SCN2A: variants seen among roughly 807,000 people sequenced by gnomAD.
SCN2A encodes sodium voltage-gated channel alpha subunit 2.
Under a neutral mutation model 188.7 loss-of-function variants are expected in SCN2A, and 20 were observed. That is an observed-to-expected ratio of 0.11 (90% CI 0.07 to 0.15). The LOEUF is 0.15. SCN2A is among the 10% of genes least tolerant of loss of function. SCN2A has a pLI of 1.00. For missense variants in SCN2A, 1,278 were observed against 2,445.0 expected (o/e 0.52, Z 10.07); for synonymous variants, 804 against 833.1 (o/e 0.97, Z 0.60).
At chr2:165,291,408 CT>C (rs1559339921) in intron 1 of SCN2A, among the ~76,000 whole-genome samples, 6 of 142,976 alleles carry the variant, frequency 4.2e-5, no homozygotes, top group African/African-American at 1.3e-4. Flanking sequence ...TCCTTCCTTC[CT>C]TCCTTCCTCC....
At chr2:165,317,829 A>G (rs1254852937) in intron 11 of SCN2A, among the ~76,000 whole-genome samples, 1 of 152,182 alleles carries the variant, frequency 6.6e-6, no homozygotes, top group African/African-American at 2.4e-5. Context: ...AAATAGAGTT[A>G]AAGACTTTAT....
chr2:165,295,823 G>C lies in SCN2A; in HGVS notation c.-1G>C, dbSNP rs780149255. 1.2e-6 allele frequency: 2 copies of C among 1,614,084 alleles called. No individual in the cohort carries two copies. The highest frequency in any genetic ancestry group is 8.5e-7 in the Non-Finnish European group (1 of 1,180,024). The stretch of plus-strand genomic sequence containing the variant: ...AGTGATTAAAGGAGCAGGATGAAAA[G>C]ATGGCACAGTCAGTGCTGGTACCGC... On this transcript the variant is annotated 5_prime_UTR_variant, in exon 2 of 27. Coordinates refer to ENST00000375437, the MANE Select transcript of SCN2A (RefSeq NM_001040142.2).
intron 14 of SCN2A, among the ~76,000 whole-genome samples, chr2:165,340,977 T>A (rs940835044): frequency 6.6e-6 from 1 of 152,142 alleles, no homozygotes; most frequent in Admixed American, 6.6e-5. Flanking sequence ...TGTAGACAAG[T>A]ATGCAATCTT....
chr2:165,345,052 T>G (rs1243831926), intron 16 of SCN2A, 141 bp downstream of exon 16: 2 of 1,063,276 alleles, frequency 1.9e-6, no homozygotes, highest in African/African-American at 3.2e-5. Flanking sequence ...AAGAGCCATG[T>G]ATAGTTTAGA....
At chr2:165,373,106 TG>T in intron 20 of SCN2A, 118 bp from the exon 21 acceptor site, 3 of 1,092,732 alleles carry the variant, frequency 2.7e-6, no homozygotes, top group Non-Finnish European at 4.2e-6. Flanking sequence ...ACAAGACCCC[TG>T]GGTGATTTTG....
chr2:165,342,134 G>T (rs1383683455), intron 14 of SCN2A, among the ~76,000 whole-genome samples, 162 bp from the exon 15 acceptor site: 5 of 152,260 alleles, frequency 3.3e-5, no homozygotes, highest in South Asian at 4.2e-4. Context: ...AACAATTATT[G>T]ATTTGAATGC....
rs949046685 is a variant in SCN2A, at chr2:165,390,614, A to G, written c.*790A>G. On this transcript the variant is annotated 3_prime_UTR_variant, in exon 27 of 27. Coordinates refer to ENST00000375437, the MANE Select transcript of SCN2A (RefSeq NM_001040142.2). ...ATTAAATGTACATGTATATATGTATATATGTATATGTGCGTGTATATACAT... is the reference window on the plus strand; with the variant it reads ...ATTAAATGTACATGTATATATGTATGTATGTATATGTGCGTGTATATACAT... 2 of 152,582 alleles carry G rather than the reference A, an allele frequency of 1.3e-5. No homozygotes were observed. 9.5% of individuals were successfully genotyped at this position (152,582 alleles called of 1,614,324 possible). A position where few individuals can be genotyped will look rare whatever the true frequency, so the allele number is the denominator to read the frequency against.
intron 18 of SCN2A, 146 bp from the exon 19 acceptor site, chr2:165,367,069 GAT>G (rs1700767045): frequency 1.4e-6 from 1 of 729,690 alleles, no homozygotes; most frequent in African/African-American, 1.8e-5. Context: ...ATGATTTTAA[GAT>G]AGCTTTTGTA....
rs555780160 is a variant in SCN2A at position 165,257,486 on chromosome 2, C to T, written c.-52+17846C>T. ...CTGACTGGTGTGTGAGATGGTATCT[C>T]ATTGTGGTTTTTGTTTCTGTGTTTT... On this transcript the variant is annotated intron_variant, in intron 1 of 26. Transcript: ENST00000375437. 2.0e-5 allele frequency among the ~76,000 whole-genome samples: 3 copies of T among 152,164 alleles called. No homozygotes were observed. In the East Asian group the frequency reaches 5.8e-4, roughly 29 times the overall value.
chr2:165,348,674 T>A (rs1699733363), intron 16 of SCN2A, among the ~76,000 whole-genome samples: 1 of 152,172 alleles, frequency 6.6e-6, no homozygotes, highest in Non-Finnish European at 1.5e-5. Context: ...TGGTTTAGGA[T>A]CAGTCATGAA....
chr2:165,327,774 A>G (rs888149813), intron 13 of SCN2A: 1 of 152,212 alleles, frequency 6.6e-6, no homozygotes, highest in Admixed American at 6.6e-5. Context: ...TATTATCAAT[A>G]TTAGTTGTTT....
At chr2:165,337,809 A>C (rs1030208447) in intron 14 of SCN2A, among the ~76,000 whole-genome samples, 3 of 152,218 alleles carry the variant, frequency 2.0e-5, no homozygotes, top group Non-Finnish European at 4.4e-5. Flanking sequence ...GAAGTTCTTT[A>C]GGCCGAATAG....
At chr2:165,335,520 C>G (rs941141782) in intron 14 of SCN2A, among the ~76,000 whole-genome samples, 25 of 151,624 alleles carry the variant, frequency 1.6e-4, no homozygotes, top group Admixed American at 1.6e-3. Context: ...GCCTTTTCAA[C>G]AAATGGTGCT....
At chr2:165,355,803 C>T (rs1001380863) in intron 17 of SCN2A, among the ~76,000 whole-genome samples, 1 of 151,648 alleles carries the variant, frequency 6.6e-6, no homozygotes, top group African/African-American at 2.4e-5. Flanking sequence ...TCGAGACCAG[C>T]GTGGCCAACA....
At chr2:165,260,762 T>C (rs1446543379) in intron 1 of SCN2A, among the ~76,000 whole-genome samples, 4 of 151,304 alleles carry the variant, frequency 2.6e-5, no homozygotes, top group Non-Finnish European at 5.9e-5. Context: ...AGGTTAGGAG[T>C]TCGAGACCAG....
rs184329157 is a variant in SCN2A at position 165,371,361 on chromosome 2, C to T, written c.3849+1062C>T. ...AAATATGCTTATTGCTCATCTATTT[C>T]ATTATGAAAGATACAAATATAAATA... On this transcript the variant is annotated intron_variant, in intron 20 of 26. Transcript: ENST00000375437. 9 of 152,304 alleles carry T rather than the reference C, an allele frequency of 5.9e-5. No individual in the cohort carries two copies. The East Asian group carries it at 1.2e-3, about 20-fold the overall frequency. The allele number at this position is 152,304 out of a possible 1,614,324, so 9.4% of individuals were successfully genotyped here.
intron 25 of SCN2A, among the ~76,000 whole-genome samples, chr2:165,385,243 G>T (rs1425890515): frequency 2.6e-5 from 4 of 152,112 alleles, no homozygotes; most frequent in Non-Finnish European, 4.4e-5. Context: ...AAGCCATTAG[G>T]TGTATATGTA....
intron 16 of SCN2A, 24 bp downstream of exon 16, chr2:165,344,935 C>T: frequency 6.2e-7 from 1 of 1,613,226 alleles, no homozygotes; most frequent in Non-Finnish European, 8.5e-7. Context: ...ACATTTTCCT[C>T]ATTTTCATTA....
chr2:165,287,159 C>G (rs546403391), intron 1 of SCN2A, among the ~76,000 whole-genome samples: 37 of 152,308 alleles, frequency 2.4e-4, no homozygotes, highest in African/African-American at 7.9e-4. Context: ...AAAGGCCAAG[C>G]AGGCAACTTG....
Sources: gnomAD v4.1 joint callset for allele counts (sites outside exome capture counted in the v4.1 genomes callset) on GRCh38, gnomAD v4.1.1 for gene constraint, MANE v1.5 for transcripts, NCBI Gene and HGNC (gene_info 2026-07-23, HGNC 2026-07-21) for gene names.